The following KIAA0753 variants were observed in gnomAD, a reference collection of about 807,000 sequenced individuals.
KIAA0753 encodes protein moonraker.
KIAA0753 carries 114 observed loss-of-function variants against 116.9 expected under a neutral mutation model. The ratio of observed to expected loss-of-function variants is 0.98; its 90% CI spans 0.84 to 1.14. The LOEUF (loss-of-function observed/expected upper bound fraction) is 1.14, where lower values mean the gene tolerates loss of function less well. KIAA0753 is among the 50% of genes most tolerant of loss of function. KIAA0753 has a pLI of 0.00. For missense variants in KIAA0753, 1,156 were observed against 1,172.4 expected, an observed-to-expected ratio of 0.99 and a Z score of 0.20; for synonymous variants, 405 against 413.1, an observed-to-expected ratio of 0.98 and a Z score of 0.24.
Position 6,635,040 on chromosome 17 carries a change from T to C in KIAA0753, c.64A>G (p.Arg22Gly), listed in dbSNP as rs769563482. ...GTCTGAAGTACTTTGGGGTCGCTCC[T>C]CCCATCAAGTTGGGTCCTAGGTGCT... Reference protein sequence around the residue: ...HLAPRTQLDGRSDPKVLQTQN... With the variant: ...HLAPRTQLDGGSDPKVLQTQN... Residue 22 changes from arginine (R) to glycine (G), a missense_variant, in exon 2 of 19, where the codon AGG becomes GGG. Physicochemically the swap from Arg to Gly is moderately radical, Grantham distance 125. Coordinates refer to ENST00000361413, the MANE Select transcript of KIAA0753 (RefSeq NM_014804.3). The C allele has an allele frequency of 3.7e-6, 6 of 1,613,384 alleles. No individual in the cohort carries two copies. The Admixed American group carries it at 1.0e-4, about 27-fold the overall frequency.
chr17:6,631,789 T>A (rs899600720), intron 2 of KIAA0753, among the ~76,000 whole-genome samples: 2 of 152,216 alleles, frequency 1.3e-5, no homozygotes, highest in African/African-American at 2.4e-5. Flanking sequence ...AGTGATTTTT[T>A]AAATTTCATT....
chr17:6,596,362 T>A lies in KIAA0753; in HGVS notation c.2173-19A>T. Reference sequence around the variant, plus strand: ...CTGCAACCTACAAGATGGGGTGGGGTGGGGAGGAGAGGCATGGGGTGGATT... The same window carrying A: ...CTGCAACCTACAAGATGGGGTGGGGAGGGGAGGAGAGGCATGGGGTGGATT... On this transcript the variant is annotated intron_variant, in intron 14 of 18. Transcript: ENST00000361413. 9.1e-7 allele frequency: 1 copy of A among 1,103,312 alleles called. No individual in the cohort carries two copies. The highest frequency in any genetic ancestry group is 1.5e-5 in the South Asian group (1 of 67,188). 68.3% of individuals were successfully genotyped at this position (1,103,312 alleles called of 1,614,324 possible).
rs142451155 is a variant in KIAA0753, at chr17:6,633,926, G to C, written c.93+1085C>G. The stretch of plus-strand genomic sequence containing the variant: ...AAGGGGCATCAAGAGAACTTTCTAG[G>C]ATAACAGAAATGATCTGTATCTTGA... On this transcript the variant is annotated intron_variant, in intron 2 of 18. Transcript: ENST00000361413. Among the ~76,000 whole-genome samples, 16 of 152,078 alleles carry C rather than the reference G, an allele frequency of 1.1e-4. No homozygotes were observed. In the East Asian group the frequency reaches 3.1e-3, roughly 29 times the overall value.
At chr17:6,628,946 C>T (rs1464634943) in intron 2 of KIAA0753, among the ~76,000 whole-genome samples, 5 of 152,182 alleles carry the variant, frequency 3.3e-5, no homozygotes, top group Admixed American at 3.3e-4. Flanking sequence ...ATCATCCAGT[C>T]CCATACTATT....
At chr17:6,590,976 A>C (rs1968953570) in intron 16 of KIAA0753, among the ~76,000 whole-genome samples, 1 of 139,984 alleles carries the variant, frequency 7.1e-6, no homozygotes, top group Non-Finnish European at 1.5e-5. Context: ...TTAAATGCGA[A>C]GAAGAAGAAG....
At chr17:6,631,654 G>C (rs1319741301) in intron 2 of KIAA0753, among the ~76,000 whole-genome samples, 2 of 152,158 alleles carry the variant, frequency 1.3e-5, no homozygotes, top group Non-Finnish European at 2.9e-5. Context: ...GTACGGGTGT[G>C]CATTTATGAA....
intron 18 of KIAA0753, among the ~76,000 whole-genome samples, chr17:6,582,954 A>G (rs566604372): frequency 4.7e-4 from 71 of 152,350 alleles, no homozygotes; most frequent in Admixed American, 3.9e-3. Flanking sequence ...CGCATCCATA[A>G]AACATCAGTA....
rs1266333766 is a variant in KIAA0753 at position 6,622,932 on chromosome 17, C to T, written c.1054G>A (p.Ala352Thr). The change falls in exon 6 of 19, where the codon GCA becomes ACA. Residue 352 changes from alanine to threonine, a missense_variant. Coordinates refer to ENST00000361413, the MANE Select transcript of KIAA0753 (RefSeq NM_014804.3). ...ACCACATCAGGAACAGAAGGGTCTGCATCCAGCTTGACAGAACAAAGTGAA... is the reference window on the plus strand; with the variant it reads ...ACCACATCAGGAACAGAAGGGTCTGTATCCAGCTTGACAGAACAAAGTGAA... The part of the protein sequence containing the change: ...QLSLCSVKLD[A>T]DPSVPDVVID... 1 of 1,614,170 alleles carries T rather than the reference C, an allele frequency of 6.2e-7. No homozygotes were observed. The highest frequency in any genetic ancestry group is 8.5e-7 in the Non-Finnish European group (1 of 1,180,016).
At chr17:6,600,141 A>C (rs1007380500) in intron 13 of KIAA0753, among the ~76,000 whole-genome samples, 1 of 152,224 alleles carries the variant, frequency 6.6e-6, no homozygotes, top group African/African-American at 2.4e-5. Flanking sequence ...TACAATCCCA[A>C]CTTGTTTCCC....
Position 6,589,807 on chromosome 17 carries a change from A to G in KIAA0753, c.2758T>C (p.Ser920Pro), listed in dbSNP as rs766334946. 6.8e-6 allele frequency: 11 copies of G among 1,611,996 alleles called. No individual in the cohort carries two copies. The highest frequency in any genetic ancestry group is 1.3e-5 in the African/African-American group (1 of 74,762). The change falls in exon 18 of 19, where the codon TCC becomes CCC. Residue 920 changes from serine to proline, a missense_variant. Transcript: ENST00000361413. Reference protein sequence around the residue: ...LRIISHEAVGSFNPWLIAESF... With the variant: ...LRIISHEAVGPFNPWLIAESF... ...TCAGCTATCAGCCACGGGTTGAAGG[A>G]GCCTACAGCCTCATGAGATATGATC...
intron 7 of KIAA0753, among the ~76,000 whole-genome samples, chr17:6,614,210 T>C (rs2150849166): frequency 6.6e-6 from 1 of 152,352 alleles, no homozygotes; most frequent in Non-Finnish European, 1.5e-5. Flanking sequence ...TTGATTGTTC[T>C]GGTAAAGTTT....
chr17:6,626,459 T>C (rs963181642), intron 3 of KIAA0753, among the ~76,000 whole-genome samples: 1 of 152,188 alleles, frequency 6.6e-6, no homozygotes, highest in Non-Finnish European at 1.5e-5. Context: ...ATTACTTTCA[T>C]CTCGTTTGGG....
At chr17:6,609,078 T>C (rs1970371581) in intron 9 of KIAA0753, among the ~76,000 whole-genome samples, 1 of 152,242 alleles carries the variant, frequency 6.6e-6, no homozygotes, top group Non-Finnish European at 1.5e-5. Flanking sequence ...GACATTAAAT[T>C]CTCTAAACAT....
chr17:6,635,037 T>G lies in KIAA0753; in HGVS notation c.67A>C (p.Ser23Arg). 1 of 1,613,056 alleles carries G rather than the reference T, an allele frequency of 6.2e-7. No homozygotes were observed. Among genetic ancestry groups the G allele is most frequent in the Non-Finnish European group, 8.5e-7 (1 of 1,179,096 alleles). Reference sequence around the variant, plus strand: ...TGGGTCTGAAGTACTTTGGGGTCGCTCCTCCCATCAAGTTGGGTCCTAGGT... The same window carrying G: ...TGGGTCTGAAGTACTTTGGGGTCGCGCCTCCCATCAAGTTGGGTCCTAGGT... Reference protein sequence around the residue: ...LAPRTQLDGRSDPKVLQTQNQ... With the variant: ...LAPRTQLDGRRDPKVLQTQNQ... The change falls in exon 2 of 19, where the codon AGC (serine) becomes CGC (arginine). Residue 23 changes from serine (S) to arginine (R), a missense_variant. Ser to Arg is a moderately radical substitution (Grantham distance 110). Transcript: ENST00000361413.
chr17:6,637,624 GT>G, intron 1 of KIAA0753: 1 of 152,728 alleles, frequency 6.5e-6, no homozygotes, highest in Non-Finnish European at 1.5e-5. Context: ...CACTCCTGTA[GT>G]CTGTCTGCCT....
intron 7 of KIAA0753, among the ~76,000 whole-genome samples, chr17:6,619,010 C>T (rs991389377): frequency 6.6e-6 from 1 of 152,152 alleles, no homozygotes; most frequent in Non-Finnish European, 1.5e-5. Context: ...AGGTGGATCA[C>T]TTGAGGTCAG....
intron 18 of KIAA0753, among the ~76,000 whole-genome samples, chr17:6,580,865 G>A (rs1385722513): frequency 6.6e-6 from 1 of 150,496 alleles, no homozygotes; most frequent in Non-Finnish European, 1.5e-5. Context: ...AGACGGGGGA[G>A]GACACTAGGG....
intron 9 of KIAA0753, among the ~76,000 whole-genome samples, chr17:6,609,459 A>AGAATG (rs1970394102): frequency 1.3e-5 from 2 of 151,864 alleles, no homozygotes; most frequent in African/African-American, 2.4e-5. Flanking sequence ...GCTATGAGTG[A>AGAATG]GGATGACAAG....
intron 3 of KIAA0753, among the ~76,000 whole-genome samples, chr17:6,625,619 A>G (rs1357611878): frequency 6.6e-6 from 1 of 152,034 alleles, no homozygotes. Context: ...GTGAGCTGAG[A>G]TCGCACCACT....
Sources: allele counts gnomAD v4.1 joint callset (sites outside exome capture counted in the v4.1 genomes callset), GRCh38; gene constraint gnomAD v4.1.1; transcripts MANE v1.5; gene names NCBI Gene and HGNC (gene_info 2026-07-23, HGNC 2026-07-21).